Variants in ASIC2 observed in about 807,000 individuals in gnomAD.
The protein encoded by ASIC2 is acid-sensing ion channel 2.
A neutral mutation model predicts 57.3 loss-of-function variants in ASIC2; 25 were observed. The ratio of observed to expected loss-of-function variants is 0.44; its 90% CI spans 0.32 to 0.61. The LOEUF (loss-of-function observed/expected upper bound fraction) is 0.61. Among genes scored for constraint, ASIC2 ranks in the 20% least tolerant of loss-of-function variants. ASIC2 has a pLI of 0.06. For missense variants in ASIC2, 641 were observed against 738.1 expected (o/e 0.87, Z 1.52); for synonymous variants, 319 against 307.5 (o/e 1.04, Z -0.39).
chr17:33,857,390 A>G (rs933536134), intron 1 of ASIC2, among the ~76,000 whole-genome samples: 2 of 152,226 alleles, frequency 1.3e-5, no homozygotes, highest in Non-Finnish European at 1.5e-5. Context: ...ATGGGACTCC[A>G]GGACCAGAGA....
intron 1 of ASIC2, among the ~76,000 whole-genome samples, chr17:33,593,363 TA>T (rs71362895): frequency 3.7e-5 from 5 of 136,922 alleles, no homozygotes; most frequent in South Asian, 2.6e-4. Context: ...CCCTCATTGG[TA>T]AAAAAAAAAG....
intron 1 of ASIC2, among the ~76,000 whole-genome samples, chr17:33,363,741 A>C (rs1275097514): frequency 6.6e-6 from 1 of 152,216 alleles, no homozygotes; most frequent in East Asian, 1.9e-4. Context: ...ACAGGGGAGC[A>C]GTGGTGGCTA....
intron 1 of ASIC2, among the ~76,000 whole-genome samples, chr17:33,368,303 G>A (rs1205532950): frequency 6.6e-6 from 1 of 152,230 alleles, no homozygotes; most frequent in African/African-American, 2.4e-5. Context: ...AGGTGGGATA[G>A]AGAGGCCACA....
chr17:33,056,345 C>T (rs896766003), intron 3 of ASIC2, among the ~76,000 whole-genome samples: 4 of 152,180 alleles, frequency 2.6e-5, no homozygotes, highest in African/African-American at 7.2e-5. Context: ...GGAAATGAAT[C>T]GAAGTGAAAG....
At chr17:33,262,195 T>C (rs1282910193) in intron 1 of ASIC2, among the ~76,000 whole-genome samples, 2 of 152,172 alleles carry the variant, frequency 1.3e-5, no homozygotes, top group Non-Finnish European at 2.9e-5. Flanking sequence ...GAAACAGGCT[T>C]ACCAAAACTC....
chr17:34,099,307 A>G (rs1285745380), intron 1 of ASIC2, among the ~76,000 whole-genome samples: 42 of 147,744 alleles, frequency 2.8e-4, no homozygotes, highest in African/African-American at 4.6e-4. Flanking sequence ...AAGAAAGAGA[A>G]AGAAAGAAAG....
intron 1 of ASIC2, among the ~76,000 whole-genome samples, chr17:33,814,316 T>C (rs1912515308): frequency 6.6e-6 from 1 of 152,116 alleles, no homozygotes; most frequent in Non-Finnish European, 1.5e-5. Flanking sequence ...TGAAGTGACA[T>C]CGGATGCAAA....
intron 1 of ASIC2, among the ~76,000 whole-genome samples, chr17:33,632,373 C>T (rs1028256603): frequency 2.6e-5 from 4 of 152,104 alleles, no homozygotes; most frequent in African/African-American, 9.7e-5. Flanking sequence ...AATTCTCTGT[C>T]ACGGTTCAGA....
intron 1 of ASIC2, among the ~76,000 whole-genome samples, chr17:33,409,155 T>C (rs952485462): frequency 6.6e-6 from 1 of 152,056 alleles, no homozygotes; most frequent in Non-Finnish European, 1.5e-5. Context: ...GCAGAGGTTG[T>C]AGTGAGCCGA....
intron 1 of ASIC2, among the ~76,000 whole-genome samples, chr17:33,167,602 T>C (rs928426734): frequency 6.6e-6 from 1 of 152,158 alleles, no homozygotes; most frequent in Non-Finnish European, 1.5e-5. Flanking sequence ...CCCCTCTATT[T>C]AAAAATCTTT....
chr17:33,503,646 C>A (rs1352725215), intron 1 of ASIC2, among the ~76,000 whole-genome samples: 2 of 152,152 alleles, frequency 1.3e-5, no homozygotes, highest in African/African-American at 4.8e-5. Context: ...AAATCAAAAC[C>A]TCTTGGAGCT....
intron 1 of ASIC2, among the ~76,000 whole-genome samples, chr17:34,110,281 T>G (rs1239480243): frequency 6.6e-6 from 1 of 152,224 alleles, no homozygotes; most frequent in Non-Finnish European, 1.5e-5. Flanking sequence ...TTTTCTCTCT[T>G]TCTGGAATAC....
chr17:33,258,052 T>C (rs1909143449), intron 1 of ASIC2, among the ~76,000 whole-genome samples: 1 of 152,236 alleles, frequency 6.6e-6, no homozygotes, highest in Non-Finnish European at 1.5e-5. Flanking sequence ...ATTTTTTATG[T>C]GACAGGAACC....
intron 1 of ASIC2, among the ~76,000 whole-genome samples, chr17:33,166,801 C>T (rs319772): frequency 1.4e-4 from 22 of 152,180 alleles, no homozygotes; most frequent in African/African-American, 4.8e-4. Flanking sequence ...CTGGCTTTGC[C>T]GAATGCATCT....
At chr17:33,368,449 G>C (rs1239619455) in intron 1 of ASIC2, among the ~76,000 whole-genome samples, 1 of 152,226 alleles carries the variant, frequency 6.6e-6, no homozygotes, top group East Asian at 1.9e-4. Flanking sequence ...TCAGGGATCA[G>C]AGAACAGACT....
At chr17:33,749,588 C>T (rs1052942512) in intron 1 of ASIC2, among the ~76,000 whole-genome samples, 1 of 152,058 alleles carries the variant, frequency 6.6e-6, no homozygotes, top group Non-Finnish European at 1.5e-5. Context: ...ATCTGGACCG[C>T]CCTCTCCATG....
chr17:33,332,535 T>A (rs1017959824), intron 1 of ASIC2, among the ~76,000 whole-genome samples: 2 of 152,074 alleles, frequency 1.3e-5, no homozygotes, highest in South Asian at 2.1e-4. Flanking sequence ...GTGCTAGTGG[T>A]TATTGGATTG....
chr17:33,145,529 C>T (rs770877074), intron 1 of ASIC2, among the ~76,000 whole-genome samples: 5 of 152,236 alleles, frequency 3.3e-5, no homozygotes, highest in Non-Finnish European at 7.3e-5. Flanking sequence ...TACCTCACTG[C>T]TCTCTTTTGG....
rs138568020 is a variant in ASIC2, at chr17:33,736,301, G to A, written c.555+419677C>T. Among the ~76,000 whole-genome samples the A allele has an allele frequency of 1.5e-3, 222 of 152,034 alleles. 1 individual carries two copies. The highest frequency in any genetic ancestry group is 5.0e-3 in the African/African-American group (209 of 41,474). ...GTCTTGGTGGGTCAGCACAGTGCCCGAGGCAGCGATAAAAGCTCAGCCTGC... is the reference window on the plus strand; with the variant it reads ...GTCTTGGTGGGTCAGCACAGTGCCCAAGGCAGCGATAAAAGCTCAGCCTGC... On this transcript the variant is annotated intron_variant, in intron 1 of 9. Transcript: ENST00000359872.
Sources: gnomAD v4.1 joint callset for allele counts (sites outside exome capture counted in the v4.1 genomes callset) on GRCh38, gnomAD v4.1.1 for gene constraint, MANE v1.5 for transcripts, NCBI Gene and HGNC (gene_info 2026-07-23, HGNC 2026-07-21) for gene names.